TMCO5A: variants seen among roughly 807,000 people sequenced by gnomAD.
TMCO5A encodes transmembrane and coiled-coil domains 5A, also known as transmembrane and coiled-coil domain-containing protein 5A.
A neutral mutation model predicts 42.3 loss-of-function variants in TMCO5A; 34 were observed. The ratio of observed to expected loss-of-function variants is 0.80; its 90% CI spans 0.61 to 1.07. The LOEUF (loss-of-function observed/expected upper bound fraction) is 1.07. TMCO5A is among the 50% of genes least tolerant of loss of function. The probability of loss-of-function intolerance (pLI) is 0.00; values close to 1 mark genes in which losing one functional copy is unlikely to be tolerated. For missense variants in TMCO5A, 357 were observed against 327.9 expected, an observed-to-expected ratio of 1.09 and a Z score of -0.69; for synonymous variants, 131 against 115.6, an observed-to-expected ratio of 1.13 and a Z score of -0.86.
the TMCO5A span, among the ~76,000 whole-genome samples, chr15:37,973,694 G>T: frequency 1.3e-5 from 2 of 152,086 alleles, no homozygotes; most frequent in Non-Finnish European, 2.9e-5. Context: ...TCCAGATATA[G>T]AATTATTTTG....
chr15:37,998,988 C>T, the TMCO5A span, among the ~76,000 whole-genome samples: 2 of 152,142 alleles, frequency 1.3e-5, no homozygotes, highest in African/African-American at 4.8e-5. Context: ...CTCACCGCAA[C>T]CTCCACCTCC....
At chr15:37,949,869 A>G (rs1461454732) in intron 11 of TMCO5A, among the ~76,000 whole-genome samples, 2 of 152,144 alleles carry the variant, frequency 1.3e-5, no homozygotes, top group African/African-American at 4.8e-5. Flanking sequence ...ATCTGTCAGG[A>G]AGTTGCAGTT....
chr15:38,008,185 G>A, the TMCO5A span, among the ~76,000 whole-genome samples: 53 of 151,374 alleles, frequency 3.5e-4, no homozygotes, highest in African/African-American at 5.1e-4. Flanking sequence ...GTGAGCCACC[G>A]TGCCCAGCCA....
chr15:37,982,737 AAT>A, the TMCO5A span, among the ~76,000 whole-genome samples: 6 of 141,366 alleles, frequency 4.2e-5, no homozygotes, highest in Middle Eastern at 3.6e-3. Context: ...ATAATATATA[AAT>A]ATATATAAAT....
the TMCO5A span, among the ~76,000 whole-genome samples, chr15:38,015,906 A>G: frequency 6.6e-6 from 1 of 152,176 alleles, no homozygotes; most frequent in East Asian, 1.9e-4. Flanking sequence ...GGGTTGGGGG[A>G]AGGAAGGGAT....
the TMCO5A span, among the ~76,000 whole-genome samples, chr15:37,988,458 A>G: frequency 6.6e-6 from 1 of 152,028 alleles, no homozygotes; most frequent in African/African-American, 2.4e-5. Flanking sequence ...GTCTTTCACC[A>G]TTGAGTATGA....
At chr15:38,014,402 T>C in the TMCO5A span, among the ~76,000 whole-genome samples, 3 of 152,166 alleles carry the variant, frequency 2.0e-5, no homozygotes, top group Admixed American at 2.0e-4. Context: ...CAGCTCCCCA[T>C]TCTTAATTTC....
the TMCO5A span, among the ~76,000 whole-genome samples, chr15:38,036,147 C>T: frequency 1.3e-5 from 2 of 152,130 alleles, no homozygotes; most frequent in Non-Finnish European, 2.9e-5. Context: ...CACTGCATTC[C>T]CCTCCAAGTG....
At chr15:37,950,705 T>G (rs1890126748) in intron 11 of TMCO5A, among the ~76,000 whole-genome samples, 1 of 152,160 alleles carries the variant, frequency 6.6e-6, no homozygotes, top group African/African-American at 2.4e-5. Context: ...CACAGAAACT[T>G]ATACCTTGCT....
the TMCO5A span, among the ~76,000 whole-genome samples, chr15:38,035,734 T>C: frequency 7.2e-5 from 11 of 152,202 alleles, no homozygotes; most frequent in Non-Finnish European, 2.9e-5. Context: ...ACTGGGAATG[T>C]TAACCCCCTC....
At chr15:38,000,902 C>T in the TMCO5A span, among the ~76,000 whole-genome samples, 9 of 152,022 alleles carry the variant, frequency 5.9e-5, no homozygotes, top group African/African-American at 2.2e-4. Context: ...ATTTTTAAGA[C>T]ATTCTGTGGC....
At chr15:37,936,703 G>C in intron 3 of TMCO5A, 144 bp from the exon 4 acceptor site, 1 of 1,255,348 alleles carries the variant, frequency 8.0e-7, no homozygotes, top group Non-Finnish European at 1.1e-6. Context: ...AGGTCTTCCT[G>C]CTTTATGGAT....
the TMCO5A span, among the ~76,000 whole-genome samples, chr15:38,005,836 G>T: frequency 6.6e-6 from 1 of 152,194 alleles, no homozygotes. Context: ...AAGACTCCCT[G>T]TGCAGCAGGG....
At chr15:38,039,209 A>G in the TMCO5A span, among the ~76,000 whole-genome samples, 1 of 152,196 alleles carries the variant, frequency 6.6e-6, no homozygotes, top group African/African-American at 2.4e-5. Flanking sequence ...ATGGATGACT[A>G]AGAAAAATGG....
At chr15:37,968,031 T>G (rs75949523), downstream of TMCO5A, among the ~76,000 whole-genome samples, 4,471 of 152,318 alleles carry the variant, frequency 0.029, 236 homozygotes, top group African/African-American at 0.1. Flanking sequence ...CAGGATGTAT[T>G]GTTACCTTCT....
chr15:38,016,063 G>A, the TMCO5A span, among the ~76,000 whole-genome samples: 3 of 152,074 alleles, frequency 2.0e-5, no homozygotes, highest in Middle Eastern at 3.2e-3. Context: ...TACGGACTTC[G>A]GATGATACTG....
chr15:37,964,429 C>T (rs1361449723), intron 11 of TMCO5A, among the ~76,000 whole-genome samples: 2 of 152,020 alleles, frequency 1.3e-5, no homozygotes, highest in East Asian at 3.9e-4. Flanking sequence ...TAGTCCACTT[C>T]CTTCAGAGGA....
the TMCO5A span, among the ~76,000 whole-genome samples, chr15:38,038,593 G>A: frequency 1.3e-5 from 2 of 151,986 alleles, no homozygotes; most frequent in East Asian, 3.9e-4. Context: ...TTGTAGTAGA[G>A]ATGGGGTTAC....
At chr15:37,942,699 A>T (rs1889789291) in intron 9 of TMCO5A, 1 of 163,458 alleles carries the variant, frequency 6.1e-6, no homozygotes, top group Non-Finnish European at 1.3e-5. Context: ...CTCATACTAC[A>T]GCTACCACAT....
Sources: gnomAD v4.1 joint callset for allele counts (sites outside exome capture counted in the v4.1 genomes callset) on GRCh38, gnomAD v4.1.1 for gene constraint, MANE v1.5 for transcripts, NCBI Gene and HGNC (gene_info 2026-07-23, HGNC 2026-07-21) for gene names.